NAALADL2: variants seen among roughly 807,000 people sequenced by gnomAD.
NAALADL2 encodes the protein inactive N-acetylated-alpha-linked acidic dipeptidase-like protein 2.
In NAALADL2, 76 loss-of-function variants were observed where a neutral mutation model predicts 87.2. The ratio of observed to expected loss-of-function variants is 0.87; its 90% CI spans 0.72 to 1.05. The LOEUF is 1.05. Ranked by LOEUF, NAALADL2 falls within the 50% of genes least tolerant of loss-of-function variation. The probability of loss-of-function intolerance (pLI) is 0.00; values close to 1 mark genes in which losing one functional copy is unlikely to be tolerated. For synonymous variants in NAALADL2, 354 were observed against 331.0 expected (o/e 1.07, Z -0.75); for missense variants, 1,089 against 945.8 (o/e 1.15, Z -1.99).
chr3:174,648,137 AC>A (rs1317360687), intron 2 of NAALADL2, among the ~76,000 whole-genome samples: 1 of 152,090 alleles, frequency 6.6e-6, no homozygotes, highest in African/African-American at 2.4e-5. Context: ...CATTCATATA[AC>A]TTTTATTACA....
At position 175,810,380 on chromosome 3, in the gene NAALADL2, A is replaced by C. The variant is rs2108394280; in HGVS notation, c.*7177A>C. ...ACATCCATTAAAAATATAAGTGAAT[A>C]TTTTATATTTAAGTTGTTTAAATAT... On this transcript the variant is annotated 3_prime_UTR_variant, in exon 14 of 14. Transcript: ENST00000454872. 1 of 152,174 alleles carries C rather than the reference A, an allele frequency of 6.6e-6. No homozygotes were observed. The highest frequency in any genetic ancestry group is 2.4e-5 in the African/African-American group (1 of 41,544). The allele number at this position is 152,174 out of a possible 1,614,324, so 9.4% of individuals were successfully genotyped here.
chr3:174,957,943 C>A (rs1741393101), intron 1 of NAALADL2, among the ~76,000 whole-genome samples: 1 of 151,900 alleles, frequency 6.6e-6, no homozygotes, highest in African/African-American at 2.4e-5. Flanking sequence ...CATTTTTCCC[C>A]ATTGCCAATG....
intron 3 of NAALADL2, among the ~76,000 whole-genome samples, chr3:175,241,855 A>ATTTTTTTCTTTTTTTTTTTT (rs1746951400): frequency 1.2e-5 from 1 of 83,812 alleles, no homozygotes; most frequent in African/African-American, 4.6e-5. Flanking sequence ...TGGATGCTGA[A>ATTTTTTTCTTTTTTTTTTTT]TTTTTTTTTT....
At chr3:174,482,638 C>G (rs1041886721) in intron 1 of NAALADL2, among the ~76,000 whole-genome samples, 1 of 152,012 alleles carries the variant, frequency 6.6e-6, no homozygotes, top group African/African-American at 2.4e-5. Context: ...AAGTCTTGAA[C>G]TAGCACATGC....
At chr3:174,719,531 C>T (rs752009737) in intron 2 of NAALADL2, among the ~76,000 whole-genome samples, 2 of 152,144 alleles carry the variant, frequency 1.3e-5, no homozygotes, top group Admixed American at 1.3e-4. Context: ...GCTTAAGTGA[C>T]TAACAAAGAT....
At chr3:175,438,234 G>T (rs10433473) in intron 5 of NAALADL2, among the ~76,000 whole-genome samples, 7,393 of 151,968 alleles carry the variant, frequency 0.049, 427 homozygotes, top group East Asian at 0.14. Flanking sequence ...CTTTGCTGAC[G>T]TTGACTAGGC....
intron 1 of NAALADL2, among the ~76,000 whole-genome samples, chr3:175,065,267 G>A (rs920968829): frequency 7.9e-5 from 12 of 152,074 alleles, no homozygotes; most frequent in Non-Finnish European, 1.5e-4. Context: ...ATTGTCGTCG[G>A]GACTCCCTTG....
chr3:174,851,298 C>T (rs2109476241), intron 3 of NAALADL2, among the ~76,000 whole-genome samples: 1 of 130,410 alleles, frequency 7.7e-6, no homozygotes, highest in Admixed American at 7.9e-5. Flanking sequence ...AAAGACAACA[C>T]AAAAGCAAGT....
intron 11 of NAALADL2, chr3:175,718,463 A>G (rs1741709614): frequency 2.5e-6 from 4 of 1,583,662 alleles, no homozygotes; most frequent in Non-Finnish European, 3.5e-6. Flanking sequence ...TCCACATTCT[A>G]TTTTAAGGCT....
intron 11 of NAALADL2, among the ~76,000 whole-genome samples, chr3:175,636,695 CT>C (rs1355418721): frequency 3.6e-5 from 4 of 111,574 alleles, no homozygotes; most frequent in African/African-American, 1.4e-4. Flanking sequence ...AAGACTCCAT[CT>C]AAAAAAAAAA....
intron 9 of NAALADL2, among the ~76,000 whole-genome samples, chr3:175,476,684 G>A (rs1352393723): frequency 1.3e-5 from 2 of 152,116 alleles, no homozygotes; most frequent in Non-Finnish European, 2.9e-5. Context: ...CTTCTTGTGT[G>A]AGGGCGACTA....
intron 5 of NAALADL2, among the ~76,000 whole-genome samples, chr3:175,431,019 G>A (rs1717663846): frequency 6.6e-6 from 1 of 152,052 alleles, no homozygotes; most frequent in Admixed American, 6.6e-5. Flanking sequence ...AATAAGTCCT[G>A]AATGCCTTCA....
chr3:175,804,808 A>G lies in NAALADL2; in HGVS notation c.*1605A>G, dbSNP rs1354332679. On this transcript the variant is annotated 3_prime_UTR_variant, in exon 14 of 14. Coordinates refer to ENST00000454872, the MANE Select transcript of NAALADL2 (RefSeq NM_207015.3). ...ACTGTCTACCCTAAATAATTTTTAT[A>G]TGCTCAAGGCAAAGCAGGGAATAGA... is the stretch of plus-strand genomic sequence containing the variant. The G allele has an allele frequency of 6.6e-6, 1 of 151,918 alleles. No individual in the cohort carries two copies. The highest frequency in any genetic ancestry group is 2.4e-5 in the African/African-American group (1 of 41,426). The allele number at this position is 151,918 out of a possible 1,614,324, so 9.4% of individuals were successfully genotyped here.
chr3:175,390,681 T>C (rs2149018461), intron 5 of NAALADL2, among the ~76,000 whole-genome samples: 1 of 152,302 alleles, frequency 6.6e-6, no homozygotes, highest in South Asian at 2.1e-4. Flanking sequence ...AGTAGCTTTT[T>C]TTCTGGTAAA....
At chr3:175,018,760 G>A (rs73032336) in intron 1 of NAALADL2, among the ~76,000 whole-genome samples, 22,798 of 152,064 alleles carry the variant, frequency 0.15, 3,240 homozygotes, top group African/African-American at 0.38. Context: ...ACACTGAAGA[G>A]CCACAACACT....
intron 3 of NAALADL2, among the ~76,000 whole-genome samples, chr3:174,745,788 T>C (rs901355347): frequency 2.0e-5 from 3 of 152,060 alleles, no homozygotes; most frequent in African/African-American, 7.2e-5. Context: ...TGGTTAAACA[T>C]ACACAAATTA....
intron 11 of NAALADL2, among the ~76,000 whole-genome samples, chr3:175,691,761 ATGAAGTACAG>A (rs1737076318): frequency 6.6e-6 from 1 of 152,144 alleles, no homozygotes; most frequent in Non-Finnish European, 1.5e-5. Flanking sequence ...AATAACATTC[ATGAAGTACAG>A]TGGTTTGCAT....
In NAALADL2 at chr3:175,390,893, C is replaced by A. The variant is rs1455306190; in HGVS notation, c.1091-56336C>A. ...GTATATTGTGGTACACTTCAATCTGCACCTGTACTAAGTAGCACCTTTATC... is the reference window on the plus strand; with the variant it reads ...GTATATTGTGGTACACTTCAATCTGAACCTGTACTAAGTAGCACCTTTATC... On this transcript the variant is annotated intron_variant, in intron 5 of 13. Coordinates refer to ENST00000454872, the MANE Select transcript of NAALADL2 (RefSeq NM_207015.3). 3.3e-5 allele frequency among the ~76,000 whole-genome samples: 5 copies of A among 152,132 alleles called. No homozygotes were observed. In the South Asian group the frequency reaches 1.0e-3, roughly 31 times the overall value.
At chr3:175,145,172 C>G in intron 2 of NAALADL2, among the ~76,000 whole-genome samples, 1 of 152,008 alleles carries the variant, frequency 6.6e-6, no homozygotes, top group East Asian at 1.9e-4. Context: ...TAGGTGGTGA[C>G]AAAATTTCCC....
Sources: gnomAD v4.1 joint callset for allele counts (sites outside exome capture counted in the v4.1 genomes callset) on GRCh38, gnomAD v4.1.1 for gene constraint, MANE v1.5 for transcripts, NCBI Gene and HGNC (gene_info 2026-07-23, HGNC 2026-07-21) for gene names.